The following KCNH7 variants were observed in gnomAD, a reference collection of about 807,000 sequenced individuals.
The protein encoded by KCNH7 is potassium voltage-gated channel subfamily H member 7.
A neutral mutation model predicts 120.8 loss-of-function variants in KCNH7; 49 were observed. The observed-to-expected ratio is 0.41, with a 90% CI of 0.32 to 0.51. The LOEUF is 0.51. Ranked by LOEUF, KCNH7 falls within the 20% of genes least tolerant of loss-of-function variation. KCNH7 has a pLI of 0.38. For synonymous variants in KCNH7, 547 were observed against 516.1 expected, an observed-to-expected ratio of 1.06 and a Z score of -0.81; for missense variants, 1,097 against 1,446.6, an observed-to-expected ratio of 0.76 and a Z score of 3.92.
intron 6 of KCNH7, among the ~76,000 whole-genome samples, chr2:162,447,094 C>T (rs1688604996): frequency 6.6e-6 from 1 of 152,024 alleles, no homozygotes; most frequent in African/African-American, 2.4e-5. Context: ...TCCAACCCTT[C>T]CATCACATTT....
At chr2:162,787,843 A>G (rs1261785457) in intron 2 of KCNH7, among the ~76,000 whole-genome samples, 1 of 151,942 alleles carries the variant, frequency 6.6e-6, no homozygotes, top group Non-Finnish European at 1.5e-5. Context: ...TTCCAGGCCT[A>G]CTCCAGTGAA....
intron 6 of KCNH7, among the ~76,000 whole-genome samples, chr2:162,482,700 A>G (rs57292883): frequency 0.014 from 2,199 of 152,246 alleles, 64 homozygotes; most frequent in African/African-American, 0.049. Flanking sequence ...AGAGAATGAT[A>G]TTATTCATGT....
intron 15 of KCNH7, among the ~76,000 whole-genome samples, chr2:162,373,002 T>C (rs1365917101): frequency 6.6e-6 from 1 of 152,194 alleles, no homozygotes; most frequent in Admixed American, 6.5e-5. Flanking sequence ...ACCTCAGGTC[T>C]AATCTGGCCA....
chr2:162,545,769 CTAT>C (rs1191805838), intron 2 of KCNH7, among the ~76,000 whole-genome samples: 1 of 152,116 alleles, frequency 6.6e-6, no homozygotes, highest in Non-Finnish European at 1.5e-5. Flanking sequence ...ATTCAATACT[CTAT>C]TAATATTCTG....
At chr2:162,549,804 A>T (rs555445098) in intron 2 of KCNH7, among the ~76,000 whole-genome samples, 1 of 152,330 alleles carries the variant, frequency 6.6e-6, no homozygotes, top group African/African-American at 2.4e-5. Flanking sequence ...AATAAAACAG[A>T]TAATATTGTA....
intron 2 of KCNH7, among the ~76,000 whole-genome samples, chr2:162,643,152 T>A (rs2105241141): frequency 6.6e-6 from 1 of 152,312 alleles, no homozygotes; most frequent in African/African-American, 2.4e-5. Flanking sequence ...TCCAGTGTTT[T>A]ATGGTAATTT....
rs747263609 is a variant in KCNH7 at position 162,504,646 on chromosome 2, G to C, written c.925C>G (p.His309Asp). 2 of 1,607,498 alleles carry C rather than the reference G, an allele frequency of 1.2e-6. No individual in the cohort carries two copies. Among genetic ancestry groups the C allele is most frequent in the East Asian group, 4.5e-5 (2 of 44,744 alleles). Residue 309 changes from histidine to aspartate, a missense_variant, in exon 6 of 16, where the codon CAT becomes GAT. Transcript: ENST00000332142. ...GATCCCAGGAGGCTTGACTTGATAT[G>C]ATTAAAAGGCCCTAAAAAAATGGAA... ...NGRNVKGPFN[H>D]IKSSLLGSTS...
intron 2 of KCNH7, among the ~76,000 whole-genome samples, chr2:162,783,248 C>T (rs1683570200): frequency 6.6e-6 from 1 of 152,146 alleles, no homozygotes; most frequent in African/African-American, 2.4e-5. Flanking sequence ...AGTTGGGCTT[C>T]ATTTTCATGT....
intron 2 of KCNH7, among the ~76,000 whole-genome samples, chr2:162,659,252 G>A (rs900201696): frequency 6.6e-6 from 1 of 151,600 alleles, no homozygotes; most frequent in Non-Finnish European, 1.5e-5. Flanking sequence ...GCTTGTTGAT[G>A]TGATGGATTC....
At chr2:162,494,205 T>C (rs1394349528) in intron 6 of KCNH7, among the ~76,000 whole-genome samples, 1 of 152,164 alleles carries the variant, frequency 6.6e-6, no homozygotes, top group East Asian at 1.9e-4. Flanking sequence ...AAGATTTTCA[T>C]GTAATAGTAA....
At chr2:162,553,038 A>G (rs1267229155) in intron 2 of KCNH7, among the ~76,000 whole-genome samples, 2 of 152,200 alleles carry the variant, frequency 1.3e-5, no homozygotes, top group Non-Finnish European at 2.9e-5. Flanking sequence ...TCATTCAGCA[A>G]TAGGAGAGTA....
At chr2:162,718,224 G>A (rs193259353) in intron 2 of KCNH7, among the ~76,000 whole-genome samples, 2 of 151,956 alleles carry the variant, frequency 1.3e-5, no homozygotes, top group Admixed American at 6.6e-5. Context: ...GATTGGATGC[G>A]TTCAGGGTGG....
chr2:162,779,562 T>C (rs1683398074), intron 2 of KCNH7, among the ~76,000 whole-genome samples: 1 of 152,212 alleles, frequency 6.6e-6, no homozygotes. Context: ...TCCTATCCTG[T>C]AAGAGCTAAG....
intron 2 of KCNH7, among the ~76,000 whole-genome samples, chr2:162,546,616 G>A (rs1692488439): frequency 6.6e-6 from 1 of 152,100 alleles, no homozygotes; most frequent in Non-Finnish European, 1.5e-5. Flanking sequence ...TGACATGCCT[G>A]GTGTGCCCAT....
At chr2:162,806,956 G>A (rs1249019938) in intron 2 of KCNH7, among the ~76,000 whole-genome samples, 1 of 151,288 alleles carries the variant, frequency 6.6e-6, no homozygotes, top group African/African-American at 2.4e-5. Context: ...CAGTTATGTT[G>A]GAAATCATTA....
chr2:162,461,592 A>G (rs1689147516), intron 6 of KCNH7, among the ~76,000 whole-genome samples: 1 of 152,246 alleles, frequency 6.6e-6, no homozygotes, highest in African/African-American at 2.4e-5. Flanking sequence ...TTATGCAATG[A>G]TAGATAATGC....
intron 2 of KCNH7, among the ~76,000 whole-genome samples, chr2:162,702,823 C>G (rs1346899292): frequency 6.6e-6 from 1 of 152,064 alleles, no homozygotes; most frequent in East Asian, 1.9e-4. Flanking sequence ...TTTACCTCTT[C>G]CAGGTAAACT....
chr2:162,494,247 A>C (rs1184454771), intron 6 of KCNH7, among the ~76,000 whole-genome samples: 1 of 152,100 alleles, frequency 6.6e-6, no homozygotes, highest in Non-Finnish European at 1.5e-5. Flanking sequence ...TCTTTCTTAA[A>C]ATTTTTGAGT....
chr2:162,660,135 C>A (rs1684909514), intron 2 of KCNH7, among the ~76,000 whole-genome samples: 1 of 152,054 alleles, frequency 6.6e-6, no homozygotes, highest in African/African-American at 2.4e-5. Context: ...GATTTCCACT[C>A]TAATTTCGTT....
Sources: gnomAD v4.1 joint callset for allele counts (sites outside exome capture counted in the v4.1 genomes callset) on GRCh38, gnomAD v4.1.1 for gene constraint, MANE v1.5 for transcripts, NCBI Gene and HGNC (gene_info 2026-07-23, HGNC 2026-07-21) for gene names.